The following ATIC variants were observed in gnomAD, a reference collection of about 807,000 sequenced individuals.
ATIC encodes the protein bifunctional purine biosynthesis protein ATIC.
In ATIC, 64 loss-of-function variants were observed where a neutral mutation model predicts 72.5. The observed-to-expected ratio is 0.88, with a 90% CI of 0.72 to 1.09. The LOEUF (loss-of-function observed/expected upper bound fraction) is 1.09. Ranked by LOEUF, ATIC falls within the 50% of genes least tolerant of loss-of-function variation. The pLI is 0.00. For missense variants in ATIC, 787 were observed against 732.4 expected (o/e 1.07, Z -0.86); for synonymous variants, 281 against 267.1 (o/e 1.05, Z -0.51).
chr2:215,362,049 C>G, the ATIC span: 1 of 1,614,028 alleles, frequency 6.2e-7, no homozygotes, highest in Non-Finnish European at 8.5e-7. Context: ...GGTTCACCCC[C>G]AGGTCTGCGG....
the ATIC span, chr2:215,361,495 TCC>T: frequency 1.7e-6 from 2 of 1,199,458 alleles, no homozygotes; most frequent in Non-Finnish European, 2.5e-6. Context: ...CTAACATCAC[TCC>T]AGTTTAGATG....
At chr2:215,318,061 T>G (rs1242352020) in intron 2 of ATIC, 96 bp from the exon 3 acceptor site, 2 of 1,140,692 alleles carry the variant, frequency 1.8e-6, no homozygotes, top group African/African-American at 3.1e-5. Context: ...GAATTCAGGC[T>G]CAAAATCTCT....
chr2:215,335,048 C>T (rs769275136), intron 10 of ATIC, 44 bp downstream of exon 10: 2 of 1,417,430 alleles, frequency 1.4e-6, no homozygotes, highest in Non-Finnish European at 2.0e-6. Flanking sequence ...TTGAATAAAG[C>T]TTTATTTGTT....
intron 14 of ATIC, 77 bp downstream of exon 14, chr2:215,347,018 A>G: frequency 6.7e-7 from 1 of 1,501,800 alleles, no homozygotes; most frequent in Non-Finnish European, 9.2e-7. Context: ...TTTTAACTTC[A>G]TCACCACACA....
intron 9 of ATIC, 132 bp downstream of exon 9, chr2:215,333,589 TTCTATC>T: frequency 1.7e-6 from 1 of 593,308 alleles, no homozygotes; most frequent in Non-Finnish European, 2.8e-6. Flanking sequence ...AATTAAGGAC[TTCTATC>T]TCTATGTAAA....
chr2:215,346,207 G>A (rs1180100182), intron 13 of ATIC, among the ~76,000 whole-genome samples: 2 of 151,978 alleles, frequency 1.3e-5, no homozygotes, highest in Non-Finnish European at 2.9e-5. Context: ...TGTTGCCCAG[G>A]CCAGAGTACA....
At chr2:215,314,552 G>T (rs1438895651) in intron 2 of ATIC, among the ~76,000 whole-genome samples, 1 of 151,570 alleles carries the variant, frequency 6.6e-6, no homozygotes, top group African/African-American at 2.4e-5. Flanking sequence ...AGGCTGGAGT[G>T]CAATGGCACT....
In ATIC at chr2:215,326,234, A is replaced by G; in HGVS notation, c.531+96A>G. ...CAGTTCTTGGTAGATTGCATTACCT[A>G]CCAAAGCTTTGCTTGGAGCTGCTAT... On this transcript the variant is annotated intron_variant, in intron 6 of 15. Coordinates refer to ENST00000236959, the MANE Select transcript of ATIC (RefSeq NM_004044.7). 2.7e-6 allele frequency: 4 copies of G among 1,467,142 alleles called. No homozygotes were observed. The Admixed American group carries it at 5.2e-5, about 19-fold the overall frequency. The allele number at this position is 1,467,142 out of a possible 1,614,324, so 90.9% of individuals were successfully genotyped here. A position where few individuals can be genotyped will look rare whatever the true frequency, so the allele number is the denominator to read the frequency against.
intron 12 of ATIC, among the ~76,000 whole-genome samples, chr2:215,339,287 A>G (rs2052990947): frequency 6.6e-6 from 1 of 152,236 alleles, no homozygotes. Context: ...TGGTAGGCCA[A>G]GGGGCAGCTC....
the ATIC span, chr2:215,365,432 A>G: frequency 1.3e-6 from 2 of 1,490,144 alleles, no homozygotes; most frequent in Non-Finnish European, 9.4e-7. Context: ...CATTTCTGTG[A>G]ATGAGAGTTA....
chr2:215,324,055 C>T (rs1359617870), intron 4 of ATIC, among the ~76,000 whole-genome samples: 1 of 152,174 alleles, frequency 6.6e-6, no homozygotes, highest in Non-Finnish European at 1.5e-5. Flanking sequence ...CGCCACCTTG[C>T]CCGGCTAATT....
the ATIC span, chr2:215,368,171 A>G: frequency 2.2e-6 from 2 of 913,636 alleles, no homozygotes; most frequent in Non-Finnish European, 3.4e-6. Flanking sequence ...CTGTTCTATC[A>G]AGGCATTAAC....
intron 10 of ATIC, among the ~76,000 whole-genome samples, chr2:215,335,245 A>G (rs1230877998): frequency 2.6e-5 from 4 of 152,122 alleles, no homozygotes; most frequent in Non-Finnish European, 4.4e-5. Context: ...TTATATATTT[A>G]TTTTAAATTC....
chr2:215,357,079 C>A, the ATIC span, among the ~76,000 whole-genome samples: 1 of 152,194 alleles, frequency 6.6e-6, no homozygotes, highest in Non-Finnish European at 1.5e-5. Context: ...GCTCCACCAT[C>A]GCCGTACATT....
At chr2:215,326,745 C>G (rs768063172) in intron 6 of ATIC, 77 bp from the exon 7 acceptor site, 1 of 1,552,622 alleles carries the variant, frequency 6.4e-7, no homozygotes, top group African/African-American at 1.4e-5. Flanking sequence ...ATGTTGTTTG[C>G]TGTGGACGTA....
intron 11 of ATIC, 132 bp from the exon 12 acceptor site, chr2:215,338,647 A>T: frequency 1.0e-6 from 1 of 967,556 alleles, no homozygotes; most frequent in Non-Finnish European, 1.5e-6. Flanking sequence ...AAAATTAGAA[A>T]ATTAGAAAAC....
chr2:215,364,274 AAAG>A, the ATIC span: 1 of 178,298 alleles, frequency 5.6e-6, no homozygotes, highest in South Asian at 1.3e-4. Flanking sequence ...AGAGAGGTTA[AAAG>A]AAGTGGCATT....
intron 14 of ATIC, 145 bp downstream of exon 14, chr2:215,347,086 C>A: frequency 9.2e-7 from 1 of 1,081,374 alleles, no homozygotes; most frequent in South Asian, 1.4e-5. Context: ...ATTGAAACTT[C>A]TTACACATTT....
In ATIC at chr2:215,344,806, A is replaced by G. The variant is rs775268262; in HGVS notation, c.1255A>G (p.Ile419Val). ...GCCAGAGTCTGCCCTCCGAGACCTC[A>G]TCGTAGCCACCATTGCTGTCAAGTA... ...DLPESALRDL[I>V]VATIAVKYTQ... The change falls in exon 13 of 16, where the codon ATC (isoleucine) becomes GTC (valine). Residue 419 changes from isoleucine to valine, a missense_variant. Transcript: ENST00000236959. 9 of 1,614,030 alleles carry G rather than the reference A, an allele frequency of 5.6e-6. No individual in the cohort carries two copies. The highest frequency in any genetic ancestry group is 1.6e-4 in the Middle Eastern group (1 of 6,084).
Sources: allele counts gnomAD v4.1 joint callset (sites outside exome capture counted in the v4.1 genomes callset), GRCh38; gene constraint gnomAD v4.1.1; transcripts MANE v1.5; gene names NCBI Gene and HGNC (gene_info 2026-07-23, HGNC 2026-07-21).